DGKK: variants seen among roughly 807,000 people sequenced by gnomAD.
The protein encoded by DGKK is 142 kDa diacylglycerol kinase.
In DGKK, 35 loss-of-function variants were observed where a neutral mutation model predicts 92.2. The ratio of observed to expected loss-of-function variants is 0.38; its 90% CI spans 0.29 to 0.50. DGKK has a LOEUF of 0.50. DGKK is among the 20% of genes least tolerant of loss of function. The probability of loss-of-function intolerance (pLI) is 0.92; values close to 1 mark genes in which losing one functional copy is unlikely to be tolerated. For synonymous variants in DGKK, 368 were observed against 360.6 expected (o/e 1.02, Z -0.23); for missense variants, 910 against 992.2 (o/e 0.92, Z 1.11).
At chrX:50,400,508 T>A (rs1924973471) in intron 8 of DGKK, among the ~76,000 whole-genome samples, 1 of 112,169 alleles carries the variant, frequency 8.9e-6, no homozygotes, top group African/African-American at 3.2e-5. Context: ...TCCACAATAA[T>A]CAATAGCTCT....
rs1923990015 is a variant in DGKK at position 50,367,020 on chromosome X, C to T, written c.*1920G>A. On this transcript the variant is annotated 3_prime_UTR_variant, in exon 28 of 28. Transcript: ENST00000611977. ...GACTTAGTTTGGCACAGCAATCAGA[C>T]ATTTGGGGACTATCCCCTTGTTAAT... The T allele has an allele frequency of 8.9e-6, 1 of 112,463 alleles. No homozygotes were observed. Among genetic ancestry groups the T allele is most frequent in the Admixed American group, 9.4e-5 (1 of 10,609 alleles). 9.3% of individuals were successfully genotyped at this position (112,463 alleles called of 1,213,427 possible).
chrX:50,392,530 G>T, intron 9 of DGKK, 81 bp from the exon 10 acceptor site: 1 of 784,106 alleles, frequency 1.3e-6, no homozygotes, highest in Non-Finnish European at 1.9e-6. Flanking sequence ...CAGGACACAA[G>T]GATTGCTGCT....
intron 8 of DGKK, among the ~76,000 whole-genome samples, chrX:50,399,701 C>T (rs781834390): frequency 1.8e-5 from 2 of 111,988 alleles, no homozygotes; most frequent in South Asian, 7.5e-4. Flanking sequence ...AGTAGTATGT[C>T]AGTGGTAAGT....
At chrX:50,462,882 C>CTTTTT (rs548003185) in intron 1 of DGKK, among the ~76,000 whole-genome samples, 5 of 15,782 alleles carry the variant, frequency 3.2e-4, no homozygotes, top group African/African-American at 5.8e-4. Flanking sequence ...CCTTTCCTTG[C>CTTTTT]TTTTTTTTTT....
At chrX:50,372,454 T>G (rs1463307687) in intron 25 of DGKK, among the ~76,000 whole-genome samples, 3 of 111,827 alleles carry the variant, frequency 2.7e-5, no homozygotes, top group Non-Finnish European at 3.8e-5. Context: ...ACATGCTTAC[T>G]GTAATTTAAA....
intron 8 of DGKK, among the ~76,000 whole-genome samples, chrX:50,397,437 T>C (rs1924884966): frequency 8.9e-6 from 1 of 112,195 alleles, no homozygotes; most frequent in African/African-American, 3.2e-5. Flanking sequence ...AGAAAACAAA[T>C]GCCAGATTAA....
intron 4 of DGKK, among the ~76,000 whole-genome samples, chrX:50,408,604 C>T (rs1215316624): frequency 9.1e-6 from 1 of 110,108 alleles, no homozygotes; most frequent in Non-Finnish European, 1.9e-5. Flanking sequence ...AGGATGGTCT[C>T]GATCTCCTGA....
At chrX:50,427,480 A>G (rs1237149588) in intron 1 of DGKK, among the ~76,000 whole-genome samples, 1 of 110,079 alleles carries the variant, frequency 9.1e-6, no homozygotes, top group Non-Finnish European at 1.9e-5. Context: ...TACAACACCA[A>G]GAATGAACCC....
Position 50,384,249 on chromosome X carries a change from G to C in DGKK, c.2468C>G (p.Thr823Ser). The part of the protein sequence containing the change: ...TSPRRRSRRG[T>S]LSSISSLKSE... ...TTTGAGAGAAGATATAGAAGACAAA[G>C]TGCCACGACGAGAACCTAGACACAA... Residue 823 changes from threonine to serine, a missense_variant, in exon 17 of 28, where the codon ACT becomes AGT. Thr to Ser is a moderately conservative substitution (Grantham distance 58). Transcript: ENST00000611977. The C allele has an allele frequency of 8.6e-7, 1 of 1,169,528 alleles. No individual in the cohort carries two copies. Among genetic ancestry groups the C allele is most frequent in the Middle Eastern group, 2.4e-4 (1 of 4,248 alleles).
intron 1 of DGKK, among the ~76,000 whole-genome samples, chrX:50,467,611 GT>G (rs1366607975): frequency 3.5e-5 from 4 of 113,067 alleles, no homozygotes; most frequent in Non-Finnish European, 7.5e-5. Context: ...GTGTTGCACA[GT>G]TTTTTCCCCC....
Position 50,378,186 on chromosome X carries a change from A to G in DGKK, c.3023T>C (p.Val1008Ala). ...ITIDGEEGIP[V>A]QVDGEAWIQR... is the part of the protein sequence containing the mutation. ...AATCCAGGCCTCCCCATCCACCTGCACTGGGATACCTTCTTCACCATCAAT... is the reference window on the plus strand; with the variant it reads ...AATCCAGGCCTCCCCATCCACCTGCGCTGGGATACCTTCTTCACCATCAAT... The change falls in exon 22 of 28, where the codon GTG becomes GCG. Residue 1008 changes from valine to alanine, a missense_variant. By Grantham distance (64) the Val-to-Ala change is moderately conservative (BLOSUM62 0). Coordinates refer to ENST00000611977, the MANE Select transcript of DGKK (RefSeq NM_001013742.4). 1.7e-6 allele frequency: 2 copies of G among 1,210,849 alleles called. No homozygotes were observed. Among genetic ancestry groups the G allele is most frequent in the Non-Finnish European group, 2.2e-6 (2 of 895,038 alleles).
At chrX:50,378,279 G>T (rs1410996189) in intron 21 of DGKK, 47 bp from the exon 22 acceptor site, 11 of 1,170,512 alleles carry the variant, frequency 9.4e-6, no homozygotes, top group Middle Eastern at 2.6e-4. Context: ...TGGGGCAACT[G>T]CTGTAACTCT....
chrX:50,376,992 C>G (rs1924292913), intron 22 of DGKK, 74 bp from the exon 23 acceptor site: 1 of 1,046,424 alleles, frequency 9.6e-7, no homozygotes, highest in African/African-American at 1.9e-5. Context: ...TGTCTGTGAG[C>G]CTGACGTTTG....
intron 1 of DGKK, among the ~76,000 whole-genome samples, chrX:50,443,340 C>A (rs1926210976): frequency 9.0e-6 from 1 of 111,445 alleles, no homozygotes; most frequent in African/African-American, 3.3e-5. Context: ...TCTTTTACAA[C>A]AGATGCTGTA....
At position 50,386,465 on chromosome X, in the gene DGKK, G is replaced by T. The variant is rs782251782; in HGVS notation, c.2240C>A (p.Pro747His). The T allele has an allele frequency of 2.4e-5, 29 of 1,209,049 alleles. No homozygotes were observed. The highest frequency in any genetic ancestry group is 3.1e-5 in the Non-Finnish European group (28 of 894,696). The change falls in exon 15 of 28, where the codon CCC becomes CAC. Residue 747 changes from proline to histidine, a missense_variant. Coordinates refer to ENST00000611977, the MANE Select transcript of DGKK (RefSeq NM_001013742.4). ...TATGTGGTCTATTTGAGGAATGAAG[G>T]GCTTCCTATCTGCCTTGCTGCTGTC... is the stretch of plus-strand genomic sequence containing the variant. ...YADSSKADRK[P>H]FIPQIDHIAK...
chrX:50,393,476 C>A, intron 8 of DGKK, 141 bp from the exon 9 acceptor site: 1 of 481,163 alleles, frequency 2.1e-6, no homozygotes, highest in East Asian at 3.7e-5. Context: ...GAGGAAAAGT[C>A]AAGATACCAC....
rs1924017082 is a variant in DGKK at position 50,368,104 on chromosome X, A to G, written c.*836T>C. On this transcript the variant is annotated 3_prime_UTR_variant, in exon 28 of 28. Coordinates refer to ENST00000611977, the MANE Select transcript of DGKK (RefSeq NM_001013742.4). ...TATATACATCTTTATGTCTCTATAC[A>G]TAATCTATACTGCAGCACAGCGGCA... The G allele has an allele frequency of 9.0e-6, 1 of 110,826 alleles. No homozygotes were observed. The highest frequency in any genetic ancestry group is 3.3e-5 in the African/African-American group (1 of 30,409). The allele number at this position is 110,826 out of a possible 1,213,427, so 9.1% of individuals were successfully genotyped here. A position where few individuals can be genotyped will look rare whatever the true frequency, so the allele number is the denominator to read the frequency against.
At chrX:50,468,774 A>T (rs1926975728) in intron 1 of DGKK, among the ~76,000 whole-genome samples, 1 of 110,448 alleles carries the variant, frequency 9.1e-6, no homozygotes, top group African/African-American at 3.3e-5. Context: ...TGCGGTCCAC[A>T]GCAGAAGGGT....
intron 1 of DGKK, among the ~76,000 whole-genome samples, chrX:50,461,616 T>G (rs1926748783): frequency 9.0e-6 from 1 of 111,639 alleles, no homozygotes; most frequent in African/African-American, 3.3e-5. Flanking sequence ...AAGCATCTGG[T>G]AAAACAAATA....
Sources: allele counts gnomAD v4.1 joint callset (sites outside exome capture counted in the v4.1 genomes callset), GRCh38; gene constraint gnomAD v4.1.1; transcripts MANE v1.5; gene names NCBI Gene and HGNC (gene_info 2026-07-23, HGNC 2026-07-21).